Variants in NFKBIB observed in about 807,000 individuals in gnomAD.
The protein encoded by NFKBIB is NF-kappa-B inhibitor beta.
Under a neutral mutation model 32.1 loss-of-function variants are expected in NFKBIB, and 16 were observed. That is an observed-to-expected ratio of 0.50 (90% confidence interval 0.34 to 0.76). The LOEUF is 0.76. Among genes scored for constraint, NFKBIB ranks in the 30% least tolerant of loss-of-function variants. The probability of loss-of-function intolerance (pLI) is 0.01; values close to 1 mark genes in which losing one functional copy is unlikely to be tolerated. For missense variants in NFKBIB, 437 were observed against 514.9 expected (o/e 0.85, Z 1.46); for synonymous variants, 222 against 219.5 (o/e 1.01, Z -0.10).
intron 1 of NFKBIB, among the ~76,000 whole-genome samples, chr19:38,904,479 C>CCCTT (rs1974053618): frequency 6.6e-6 from 1 of 151,584 alleles, no homozygotes; most frequent in Admixed American, 6.6e-5. Context: ...TTTGGCAACT[C>CCCTT]TGTTTTGTAC....
chr19:38,901,467 A>T (rs73539687), intron 1 of NFKBIB, among the ~76,000 whole-genome samples: 109 of 148,826 alleles, frequency 7.3e-4, no homozygotes, highest in Non-Finnish European at 1.3e-3. Context: ...GCAAATTTTT[A>T]AATTTTTTTG....
Position 38,905,672 on chromosome 19 carries a change from AG to A in NFKBIB, c.619+140del. ...CTTCAGGAGCCCACACATCGGGACC[AG>A]GGACCTCCACTCAGGGCCCAGATGA... On this transcript the variant is annotated intron_variant, in intron 3 of 5. Transcript: ENST00000313582. The surrounding 1 kb of genome is among the most constrained non-coding windows in gnomAD (Gnocchi z 5.5). The A allele has an allele frequency of 1.5e-6, 1 of 667,962 alleles. No homozygotes were observed. Among genetic ancestry groups the A allele is most frequent in the Non-Finnish European group, 2.5e-6 (1 of 399,132 alleles). The allele number at this position is 667,962 out of a possible 1,614,324, so 41.4% of individuals were successfully genotyped here. A position where few individuals can be genotyped will look rare whatever the true frequency, so the allele number is the denominator to read the frequency against.
intron 1 of NFKBIB, among the ~76,000 whole-genome samples, chr19:38,902,377 A>G (rs1003302005): frequency 1.3e-5 from 2 of 151,806 alleles, no homozygotes; most frequent in African/African-American, 4.8e-5. Context: ...GCCTCATTTT[A>G]TTTCTTTTGT....
chr19:38,903,068 C>CA (rs1331227506), intron 1 of NFKBIB, among the ~76,000 whole-genome samples: 11 of 151,072 alleles, frequency 7.3e-5, no homozygotes, highest in African/African-American at 2.2e-4. Context: ...GACTCCATCT[C>CA]AAAAAAACAA....
intron 3 of NFKBIB, among the ~76,000 whole-genome samples, chr19:38,906,075 A>T (rs1021603053): frequency 4.7e-5 from 7 of 148,468 alleles, no homozygotes; most frequent in Non-Finnish European, 7.4e-5. Context: ...TTCAGGACCC[A>T]GTGTTCAGGG....
Position 38,905,540 on chromosome 19 carries a change from G to A in NFKBIB, c.619+5G>A. 1 of 1,594,586 alleles carries A rather than the reference G, an allele frequency of 6.3e-7. No homozygotes were observed. Among genetic ancestry groups the A allele is most frequent in the African/African-American group, 1.3e-5 (1 of 74,692 alleles). ...TGGAGGCTGAAAACTACGAGGGTGAGGGTCGTCACCAGGGAAGGACTCAGC... is the reference window on the plus strand; with the variant it reads ...TGGAGGCTGAAAACTACGAGGGTGAAGGTCGTCACCAGGGAAGGACTCAGC... On this transcript the variant is annotated splice_donor_5th_base_variant and intron_variant, in intron 3 of 5. Coordinates refer to ENST00000313582, the MANE Select transcript of NFKBIB (RefSeq NM_002503.5). The surrounding 1 kb of genome is among the most constrained non-coding windows in gnomAD (Gnocchi z 5.5).
At chr19:38,907,086 C>T (rs987058372) in intron 3 of NFKBIB, 135 bp from the exon 4 acceptor site, 6 of 782,070 alleles carry the variant, frequency 7.7e-6, no homozygotes, top group East Asian at 2.5e-5. Flanking sequence ...TACCTCTTTG[C>T]CATACCCAAG....
chr19:38,908,081 G>A (rs1974202673), intron 5 of NFKBIB: 9 of 1,043,604 alleles, frequency 8.6e-6, no homozygotes, highest in Non-Finnish European at 1.0e-5. Flanking sequence ...GATATAGTCA[G>A]AGAACCCAGC....
intron 1 of NFKBIB, among the ~76,000 whole-genome samples, chr19:38,902,672 A>G (rs1974005663): frequency 2.0e-5 from 3 of 152,222 alleles, no homozygotes; most frequent in Admixed American, 1.3e-4. Context: ...TATGAAATTC[A>G]TATTTCAAGC....
At position 38,900,069 on chromosome 19, in the gene NFKBIB, GC is replaced by G; in HGVS notation, c.38del (p.Ala13GlufsTer54). ...GVACLGKAAD[A>X]DEWCDSGLGS... ...CGCGTGCTTGGGAAAAGCTGCCGACGCAGATGAATGGTGCGACAGCGGCCTG... is the reference window on the plus strand; with the variant it reads ...CGCGTGCTTGGGAAAAGCTGCCGACGAGATGAATGGTGCGACAGCGGCCTG... On this transcript the variant is annotated frameshift_variant, in exon 1 of 6. Coordinates refer to ENST00000313582, the MANE Select transcript of NFKBIB (RefSeq NM_002503.5). LOFTEE classifies it high-confidence loss of function. 6.6e-7 allele frequency: 1 copy of G among 1,514,308 alleles called. No homozygotes were observed. The highest frequency in any genetic ancestry group is 2.4e-5 in the East Asian group (1 of 41,102). 93.8% of individuals were successfully genotyped at this position (1,514,308 alleles called of 1,614,324 possible). A position where few individuals can be genotyped will look rare whatever the true frequency, so the allele number is the denominator to read the frequency against.
At position 38,907,389 on chromosome 19, in the gene NFKBIB, AC is replaced by A. The variant is rs756881775; in HGVS notation, c.709-5del. On this transcript the variant is annotated splice_polypyrimidine_tract_variant and intron_variant, in intron 4 of 5. Transcript: ENST00000313582. ...TCGGGCCCTCTGACCTTTCTGTTGC[AC>A]CCCCACAGGAGCCCACGTGCGGCCG... 6.3e-7 allele frequency: 1 copy of A among 1,587,822 alleles called. No homozygotes were observed. Among genetic ancestry groups the A allele is most frequent in the South Asian group, 1.1e-5 (1 of 89,566 alleles).
Position 38,908,767 on chromosome 19 carries a change from A to C in NFKBIB, c.1006A>C (p.Ser336Arg). 1 of 1,613,740 alleles carries C rather than the reference A, an allele frequency of 6.2e-7. No homozygotes were observed. The highest frequency in any genetic ancestry group is 8.5e-7 in the Non-Finnish European group (1 of 1,179,894). The stretch of plus-strand genomic sequence containing the variant: ...CGACATTGTGGTTCACAGCAGCCGC[A>C]GCCAAACCCGGCTGCCTCCCACCCC... Reference protein sequence around the residue: ...YDDIVVHSSRSQTRLPPTPAS... With the variant: ...YDDIVVHSSRRQTRLPPTPAS... Residue 336 changes from serine (S) to arginine (R), a missense_variant, in exon 6 of 6, where the codon AGC becomes CGC. Ser to Arg is a moderately radical substitution (Grantham distance 110). Transcript: ENST00000313582.
At position 38,900,012 on chromosome 19, in the gene NFKBIB, GC is replaced by G. The variant is rs34830569; in HGVS notation, c.-17del. On this transcript the variant is annotated 5_prime_UTR_variant, in exon 1 of 6. Coordinates refer to ENST00000313582, the MANE Select transcript of NFKBIB (RefSeq NM_002503.5). ...AGCTACAGGCGGGCGACTGCGGGGG[GC>G]CCCTGAGGCGGCGGGGGCCATGGCT... 6.9e-7 allele frequency: 1 copy of G among 1,448,196 alleles called. No individual in the cohort carries two copies. 89.7% of individuals were successfully genotyped at this position (1,448,196 alleles called of 1,614,324 possible).
Position 38,905,862 on chromosome 19 carries a change from CG to C in NFKBIB, c.619+331del, listed in dbSNP as rs1974102769. ...TGCAGACCCCTACCCTACCCAGGAC[CG>C]GGGAATGCAGAGCTCAGGCCCTCTG... On this transcript the variant is annotated intron_variant, in intron 3 of 5. Coordinates refer to ENST00000313582, the MANE Select transcript of NFKBIB (RefSeq NM_002503.5). The surrounding 1 kb of genome is among the most constrained non-coding windows in gnomAD (Gnocchi z 5.5). Among the ~76,000 whole-genome samples, 1 of 152,146 alleles carries C rather than the reference CG, an allele frequency of 6.6e-6. No individual in the cohort carries two copies. The highest frequency in any genetic ancestry group is 1.5e-5 in the Non-Finnish European group (1 of 68,024).
At chr19:38,907,932 A>G in intron 5 of NFKBIB, 1 of 1,294,550 alleles carries the variant, frequency 7.7e-7, no homozygotes. Context: ...TGGTGAACAC[A>G]GCGGGGGTGG....
intron 1 of NFKBIB, among the ~76,000 whole-genome samples, chr19:38,901,446 C>T (rs928499100): frequency 2.0e-5 from 3 of 151,900 alleles, no homozygotes; most frequent in Non-Finnish European, 4.4e-5. Flanking sequence ...AGGCACATGC[C>T]ACCATGCCTG....
chr19:38,904,749 CTTGT>C (rs17883392), intron 1 of NFKBIB, among the ~76,000 whole-genome samples: 98,279 of 151,014 alleles, frequency 0.65, 32,386 homozygotes, highest in East Asian at 0.96. Context: ...TCGTCTGACT[CTTGT>C]TTGTTTGTTT....
At position 38,908,750 on chromosome 19, in the gene NFKBIB, T is replaced by C. The variant is rs1173986215; in HGVS notation, c.989T>C (p.Val330Ala). 4 of 1,613,624 alleles carry C rather than the reference T, an allele frequency of 2.5e-6. No individual in the cohort carries two copies. Among genetic ancestry groups the C allele is most frequent in the Non-Finnish European group, 3.4e-6 (4 of 1,179,872 alleles). ...CCCCAGGATGAATACGACGACATTGTGGTTCACAGCAGCCGCAGCCAAACC... is the reference window on the plus strand; with the variant it reads ...CCCCAGGATGAATACGACGACATTGCGGTTCACAGCAGCCGCAGCCAAACC... ...GDEGDEYDDI[V>A]VHSSRSQTRL... The change falls in exon 6 of 6, where the codon GTG (valine) becomes GCG (alanine). Residue 330 changes from valine to alanine, a missense_variant. Val to Ala is a moderately conservative substitution (Grantham distance 64). Coordinates refer to ENST00000313582, the MANE Select transcript of NFKBIB (RefSeq NM_002503.5).
At position 38,900,125 on chromosome 19, in the gene NFKBIB, C is replaced by T. The variant is rs1444062584; in HGVS notation, c.93C>T (p.Pro31=). 4 of 1,585,078 alleles carry T rather than the reference C, an allele frequency of 2.5e-6. No individual in the cohort carries two copies. Among genetic ancestry groups the T allele is most frequent in the African/African-American group, 2.7e-5 (2 of 73,744 alleles). Residue 31 remains proline (P), a synonymous_variant, in exon 1 of 6, where the codon CCC becomes CCT. Transcript: ENST00000313582. ...LGSLGPDAAA[P]GGPGLGAELG... ...CCCTGGGTCCGGACGCAGCGGCCCC[C>T]GGAGGACCTGGGTTGGGCGCGGAGT...
Sources: gnomAD v4.1 joint callset for allele counts (sites outside exome capture counted in the v4.1 genomes callset) on GRCh38, gnomAD v4.1.1 for gene constraint, Gnocchi (gnomAD v3.1) non-coding constraint, MANE v1.5 for transcripts, NCBI Gene and HGNC (gene_info 2026-07-23, HGNC 2026-07-21) for gene names.